Variants in PSPC1 observed in about 807,000 individuals in gnomAD.
The protein encoded by PSPC1 is paraspeckle protein 1.
PSPC1 carries 14 observed loss-of-function variants against 51.6 expected under a neutral mutation model. That is an observed-to-expected ratio of 0.27 (90% CI 0.18 to 0.42). PSPC1 has a LOEUF of 0.42. PSPC1 is among the 10% of genes least tolerant of loss of function. The pLI, the probability that PSPC1 is intolerant of heterozygous loss-of-function variation, is 1.00. For missense variants in PSPC1, 406 were observed against 701.1 expected, an observed-to-expected ratio of 0.58 and a Z score of 4.75; for synonymous variants, 193 against 231.9, an observed-to-expected ratio of 0.83 and a Z score of 1.53.
chr13:19,722,499 T>TA (rs1197984557), intron 6 of PSPC1, among the ~76,000 whole-genome samples: 2 of 151,656 alleles, frequency 1.3e-5, no homozygotes, highest in Non-Finnish European at 2.9e-5. Context: ...GAGCCTGTCT[T>TA]AAAAAAATTT....
downstream of PSPC1, among the ~76,000 whole-genome samples, chr13:19,673,963 G>A (rs1876332233): frequency 6.6e-6 from 1 of 152,226 alleles, no homozygotes; most frequent in African/African-American, 2.4e-5. Context: ...GTCATGTCCG[G>A]ATCTCCTAGT....
chr13:19,757,672 G>C (rs549758674), intron 3 of PSPC1, among the ~76,000 whole-genome samples: 1 of 152,302 alleles, frequency 6.6e-6, no homozygotes, highest in Admixed American at 6.5e-5. Context: ...ACCCCAAGTA[G>C]AGGGTATTTA....
intron 1 of PSPC1, among the ~76,000 whole-genome samples, chr13:19,776,013 TGCACTCCA>T (rs1889084732): frequency 6.6e-6 from 1 of 151,666 alleles, no homozygotes; most frequent in African/African-American, 2.4e-5. Context: ...ATCGCACCAC[TGCACTCCA>T]GCATGGGTGA....
intron 5 of PSPC1, among the ~76,000 whole-genome samples, chr13:19,737,758 CT>C (rs1885000140): frequency 1.3e-5 from 2 of 152,162 alleles, no homozygotes; most frequent in East Asian, 3.9e-4. Flanking sequence ...GTTACTGAAG[CT>C]TCTAGGGCCT....
At chr13:19,714,147 A>G (rs1881795944) in intron 6 of PSPC1, among the ~76,000 whole-genome samples, 1 of 152,194 alleles carries the variant, frequency 6.6e-6, no homozygotes, top group South Asian at 2.1e-4. Flanking sequence ...TTCACAATAA[A>G]ACAGGATTTG....
intron 6 of PSPC1, among the ~76,000 whole-genome samples, chr13:19,718,806 A>C (rs1882424860): frequency 2.6e-5 from 4 of 152,244 alleles, no homozygotes; most frequent in Admixed American, 2.6e-4. Context: ...GAAATGAGCT[A>C]TCAACCCATG....
At chr13:19,762,570 AT>A (rs869043063) in intron 2 of PSPC1, among the ~76,000 whole-genome samples, 1 of 76,304 alleles carries the variant, frequency 1.3e-5, no homozygotes, top group Admixed American at 1.5e-4. Context: ...AGAAAAAAAG[AT>A]CAATCACAAC....
At chr13:19,766,799 G>A (rs1223237274) in intron 2 of PSPC1, among the ~76,000 whole-genome samples, 2 of 150,200 alleles carry the variant, frequency 1.3e-5, no homozygotes, top group Non-Finnish European at 3.0e-5. Flanking sequence ...AGGCTGCAAC[G>A]AGCTGTGATA....
intron 2 of PSPC1, among the ~76,000 whole-genome samples, chr13:19,763,633 T>C (rs980717527): frequency 8.5e-5 from 13 of 152,116 alleles, no homozygotes; most frequent in African/African-American, 2.2e-4. Flanking sequence ...CAGTGCATCA[T>C]AGGGTTGTTA....
At position 19,772,578 on chromosome 13, in the gene PSPC1, C is replaced by G. The variant is rs1256118080; in HGVS notation, c.373-35G>C. 4 of 1,545,972 alleles carry G rather than the reference C, an allele frequency of 2.6e-6. No homozygotes were observed. The South Asian group carries it at 3.7e-5, about 14-fold the overall frequency. On this transcript the variant is annotated intron_variant, in intron 1 of 8. Transcript: ENST00000338910. Reference sequence around the variant, plus strand: ...AAGAAAAAACATTTTTAAAAGATGACAGTAACAGAAAAAATTCAAAACAGT... The same window carrying G: ...AAGAAAAAACATTTTTAAAAGATGAGAGTAACAGAAAAAATTCAAAACAGT...
chr13:19,747,979 CA>C (rs1886163229), intron 4 of PSPC1, among the ~76,000 whole-genome samples: 1 of 152,134 alleles, frequency 6.6e-6, no homozygotes, highest in African/African-American at 2.4e-5. Flanking sequence ...TGTGGGAGGT[CA>C]AGGCAGGTAG....
intron 7 of PSPC1, among the ~76,000 whole-genome samples, chr13:19,707,325 C>T (rs1880815721): frequency 6.6e-6 from 1 of 152,176 alleles, no homozygotes; most frequent in African/African-American, 2.4e-5. Context: ...ACATCTTCCA[C>T]CACATAGCTA....
intron 6 of PSPC1, among the ~76,000 whole-genome samples, chr13:19,709,818 A>G (rs1215225123): frequency 6.6e-6 from 1 of 151,404 alleles, no homozygotes; most frequent in Non-Finnish European, 1.5e-5. Context: ...TTATATTGCA[A>G]GATTAGATTA....
downstream of PSPC1, among the ~76,000 whole-genome samples, chr13:19,698,778 T>C (rs796380141): frequency 7.2e-5 from 11 of 152,088 alleles, no homozygotes; most frequent in African/African-American, 2.6e-4. Flanking sequence ...CAATGGTAAC[T>C]GAAGCCATAA....
At chr13:19,685,259 G>A (rs17085732) in intron 6 of PSPC1, among the ~76,000 whole-genome samples, 1,730 of 152,278 alleles carry the variant, frequency 0.011, 33 homozygotes, top group African/African-American at 0.038. Context: ...CAGCATATCC[G>A]TAAGTGCCAT....
intron 6 of PSPC1, among the ~76,000 whole-genome samples, chr13:19,685,682 C>T (rs1877791220): frequency 1.3e-5 from 2 of 152,162 alleles, no homozygotes; most frequent in African/African-American, 2.4e-5. Context: ...AGCAGATTCT[C>T]CAATCAAGAG....
chr13:19,696,255 A>T (rs1400663184), intron 6 of PSPC1, among the ~76,000 whole-genome samples: 2 of 152,162 alleles, frequency 1.3e-5, no homozygotes, highest in African/African-American at 4.8e-5. Flanking sequence ...TTAAGAAACA[A>T]ATCTCTATAC....
chr13:19,746,734 G>A (rs1886031281), intron 4 of PSPC1, among the ~76,000 whole-genome samples: 1 of 151,894 alleles, frequency 6.6e-6, no homozygotes, highest in African/African-American at 2.4e-5. Flanking sequence ...AATGGGAGTT[G>A]AATCTAGAAA....
chr13:19,751,544 C>T, intron 3 of PSPC1, 77 bp from the exon 4 acceptor site: 1 of 1,093,700 alleles, frequency 9.1e-7, no homozygotes, highest in Admixed American at 3.6e-5. Flanking sequence ...CAAGCACTTA[C>T]AATGTCCAAG....
Sources: allele counts gnomAD v4.1 joint callset (sites outside exome capture counted in the v4.1 genomes callset), GRCh38; gene constraint gnomAD v4.1.1; transcripts MANE v1.5; gene names NCBI Gene and HGNC (gene_info 2026-07-23, HGNC 2026-07-21).